Variants in SPATA31H1 observed in about 807,000 individuals in gnomAD.
SPATA31H1 encodes spermatogenesis-associated protein 31H1.
At chr2:27,566,149 T>TA in the SPATA31H1 span, 4 of 717,036 alleles carry the variant, frequency 5.6e-6, no homozygotes, top group Non-Finnish European at 1.0e-5. Context: ...CTGTGAAAGT[T>TA]AGACGTAAAG....
the SPATA31H1 span, among the ~76,000 whole-genome samples, chr2:27,544,199 A>G: frequency 5.3e-5 from 8 of 152,106 alleles, 1 homozygote; most frequent in African/African-American, 1.9e-4. Context: ...GTTAACAAAT[A>G]CATTTTTATT....
the SPATA31H1 span, among the ~76,000 whole-genome samples, chr2:27,562,283 T>A: frequency 2.6e-5 from 4 of 151,888 alleles, no homozygotes; most frequent in East Asian, 7.7e-4. Context: ...ACATTCCAAA[T>A]GAAATATGAA....
At chr2:27,565,479 G>T in the SPATA31H1 span, 1 of 696,138 alleles carries the variant, frequency 1.4e-6, no homozygotes. Flanking sequence ...GGTGGAGGGA[G>T]GTTGAAAAAG....
chr2:27,570,076 T>C, the SPATA31H1 span: 1 of 398,776 alleles, frequency 2.5e-6, no homozygotes, highest in Admixed American at 4.4e-5. Flanking sequence ...GTGAAATTTG[T>C]GGAACTAAGC....
chr2:27,537,470 T>G, the SPATA31H1 span: 1 of 717,450 alleles, frequency 1.4e-6, no homozygotes. Flanking sequence ...CCATCAGATA[T>G]CAGCCTTCTA....
the SPATA31H1 span, chr2:27,573,082 G>A: frequency 2.5e-6 from 1 of 396,608 alleles, no homozygotes; most frequent in South Asian, 1.3e-4. Context: ...CAATCTCGAG[G>A]TGTCAAGCCT....
At chr2:27,581,587 G>T in the SPATA31H1 span, 15 of 1,465,308 alleles carry the variant, frequency 1.0e-5, no homozygotes, top group Non-Finnish European at 1.4e-5. Context: ...AGACATCGCA[G>T]TCCCTCCCAG....
At chr2:27,579,034 T>C in the SPATA31H1 span, 16 of 1,614,032 alleles carry the variant, frequency 9.9e-6, no homozygotes, top group Non-Finnish European at 1.3e-5. Context: ...GTGGATGTAA[T>C]ATCTAAAGAG....
chr2:27,562,126 C>T, the SPATA31H1 span, among the ~76,000 whole-genome samples: 8 of 152,236 alleles, frequency 5.3e-5, no homozygotes, highest in South Asian at 1.7e-3. Context: ...TCTATGTGTT[C>T]CTGTTTTTAT....
the SPATA31H1 span, among the ~76,000 whole-genome samples, chr2:27,544,897 T>A: frequency 6.6e-6 from 1 of 151,976 alleles, no homozygotes; most frequent in East Asian, 1.9e-4. Flanking sequence ...GCTTGTTAAT[T>A]TGGGGACCCA....
the SPATA31H1 span, chr2:27,576,469 A>G: frequency 3.8e-5 from 33 of 857,688 alleles, no homozygotes; most frequent in Admixed American, 8.7e-5. Context: ...CTATGGCCAC[A>G]ACCTCAAAGT....
the SPATA31H1 span, among the ~76,000 whole-genome samples, chr2:27,544,403 A>C: frequency 6.6e-6 from 1 of 151,722 alleles, no homozygotes; most frequent in Non-Finnish European, 1.5e-5. Flanking sequence ...TCTGATTTCT[A>C]TTGTCATGGA....
At chr2:27,568,067 A>G in the SPATA31H1 span, 4 of 398,894 alleles carry the variant, frequency 1.0e-5, no homozygotes, top group Admixed American at 1.8e-4. Flanking sequence ...TGGCCACAAG[A>G]TTACTGAATC....
At chr2:27,579,554 A>G in the SPATA31H1 span, 4 of 1,614,078 alleles carry the variant, frequency 2.5e-6, no homozygotes, top group Non-Finnish European at 3.4e-6. Flanking sequence ...CTGGGACTAG[A>G]GTGAGAATAA....
At chr2:27,543,870 C>A in the SPATA31H1 span, among the ~76,000 whole-genome samples, 1 of 151,972 alleles carries the variant, frequency 6.6e-6, no homozygotes, top group African/African-American at 2.4e-5. Context: ...AAGGAGCCAG[C>A]TTCCCTCCTG....
the SPATA31H1 span, chr2:27,578,122 CT>C: frequency 6.8e-6 from 11 of 1,614,104 alleles, no homozygotes; most frequent in Non-Finnish European, 8.5e-6. Flanking sequence ...AAAGTGACCC[CT>C]GGACCACCAT....
At chr2:27,578,726 A>T in the SPATA31H1 span, 3 of 1,614,190 alleles carry the variant, frequency 1.9e-6, no homozygotes. Context: ...AGAAGTTAAC[A>T]TCAGAAGAGT....
the SPATA31H1 span, among the ~76,000 whole-genome samples, chr2:27,539,872 T>G: frequency 2.9e-5 from 1 of 34,638 alleles, no homozygotes; most frequent in Non-Finnish European, 5.7e-5. Flanking sequence ...GTGGGGCTGA[T>G]CCCCCCCACC....
the SPATA31H1 span, chr2:27,566,626 T>C: frequency 1.7e-6 from 1 of 579,764 alleles, no homozygotes; most frequent in Non-Finnish European, 3.1e-6. Context: ...AGAAACTTTT[T>C]TTTTTTTTCA....
Sources: gnomAD v4.1 joint callset for allele counts (sites outside exome capture counted in the v4.1 genomes callset) on GRCh38, gnomAD v4.1.1 for gene constraint, MANE v1.5 for transcripts, NCBI Gene and HGNC (gene_info 2026-07-23, HGNC 2026-07-21) for gene names.